Variants in LTBR observed in about 807,000 individuals in gnomAD.
LTBR encodes lymphotoxin beta receptor.
LTBR carries 15 observed loss-of-function variants against 45.4 expected under a neutral mutation model. The ratio of observed to expected loss-of-function variants is 0.33; its 90% CI spans 0.22 to 0.51. The LOEUF (loss-of-function observed/expected upper bound fraction) is 0.51, where lower values mean the gene tolerates loss of function less well. Among genes scored for constraint, LTBR ranks in the 20% least tolerant of loss-of-function variants. The pLI is 0.97. For missense variants in LTBR, 450 were observed against 565.5 expected (o/e 0.80, Z 2.07); for synonymous variants, 228 against 231.0 (o/e 0.99, Z 0.12).
In LTBR at chr12:6,384,291, C is replaced by G; in HGVS notation, c.-68C>G. 1 of 1,429,592 alleles carries G rather than the reference C, an allele frequency of 7.0e-7. No homozygotes were observed. The highest frequency in any genetic ancestry group is 9.1e-7 in the Non-Finnish European group (1 of 1,097,054). The allele number at this position is 1,429,592 out of a possible 1,614,324, so 88.6% of individuals were successfully genotyped here. ...TCGGGCAGCCGCCGCCACCGCTGCCCAGGACGTCGGGCCTCCTGCCTTCCT... is the reference window on the plus strand; with the variant it reads ...TCGGGCAGCCGCCGCCACCGCTGCCGAGGACGTCGGGCCTCCTGCCTTCCT... On this transcript the variant is annotated 5_prime_UTR_variant, in exon 1 of 10. Transcript: ENST00000228918.
Position 6,386,500 on chromosome 12 carries a change from C to G in LTBR, c.667+56C>G, listed in dbSNP as rs961132510. The G allele has an allele frequency of 3.8e-6, 5 of 1,325,054 alleles. No homozygotes were observed. In the South Asian group the frequency reaches 6.1e-5, roughly 16 times the overall value. The allele number at this position is 1,325,054 out of a possible 1,614,324, so 82.1% of individuals were successfully genotyped here. ...GGGCGCCTCTGAAAATGCCTTAATG[C>G]TCCACATCTTAAAAAAAATGGGGAA... On this transcript the variant is annotated intron_variant, in intron 6 of 9. Transcript: ENST00000228918. This position sits in a 1 kb window ranked among gnomAD's most constrained non-coding sequence, Gnocchi z 4.1.
Position 6,389,611 on chromosome 12 carries a change from G to A in LTBR, c.802-501G>A, listed in dbSNP as rs576845897. On this transcript the variant is annotated intron_variant, in intron 8 of 9. Coordinates refer to ENST00000228918, the MANE Select transcript of LTBR (RefSeq NM_002342.3). Reference sequence around the variant, plus strand: ...GAGGTCAGGGGTTTGAGACCAGCCCGGCCAACATGGCAAAACCCCATCTCT... The same window carrying A: ...GAGGTCAGGGGTTTGAGACCAGCCCAGCCAACATGGCAAAACCCCATCTCT... 402 of 156,250 alleles carry A rather than the reference G, an allele frequency of 2.6e-3. 1 individual carries two copies. The highest frequency in any genetic ancestry group is 4.1e-3 in the Admixed American group (66 of 16,128). The allele number at this position is 156,250 out of a possible 1,614,324, so 9.7% of individuals were successfully genotyped here. A position where few individuals can be genotyped will look rare whatever the true frequency, so the allele number is the denominator to read the frequency against.
upstream of LTBR, among the ~76,000 whole-genome samples, chr12:6,379,194 G>A (rs1328571407): frequency 6.6e-6 from 1 of 152,186 alleles, no homozygotes; most frequent in South Asian, 2.1e-4. Context: ...CAGAGACCAG[G>A]CGTATTCATC....
chr12:6,380,775 G>A (rs1186832626), upstream of LTBR, among the ~76,000 whole-genome samples: 1 of 152,058 alleles, frequency 6.6e-6, no homozygotes, highest in Non-Finnish European at 1.5e-5. Flanking sequence ...CCTGTGGAAA[G>A]AAGGCTCTCT....
At chr12:6,385,446 G>A in intron 4 of LTBR, 67 bp downstream of exon 4, 1 of 1,586,060 alleles carries the variant, frequency 6.3e-7, no homozygotes, top group Admixed American at 1.7e-5. Context: ...AGTGGGAGCA[G>A]GGAATATGGT....
intron 8 of LTBR, chr12:6,389,187 A>G: frequency 5.0e-6 from 1 of 201,360 alleles, no homozygotes; most frequent in Non-Finnish European, 1.0e-5. Flanking sequence ...CTGATATTTG[A>G]GCGGAGAGCT....
Position 6,384,581 on chromosome 12 carries a change from T to G in LTBR, c.97-7T>G, listed in dbSNP as rs762023722. ...TCTTCTCTCCTCTTCTCCATCTCCC[T>G]TTGAAGGTGCCTCCATATGCGTCGG... On this transcript the variant is annotated splice_polypyrimidine_tract_variant and splice_region_variant and intron_variant, in intron 1 of 9. Coordinates refer to ENST00000228918, the MANE Select transcript of LTBR (RefSeq NM_002342.3). 6.2e-7 allele frequency: 1 copy of G among 1,613,516 alleles called. No homozygotes were observed. Among genetic ancestry groups the G allele is most frequent in the South Asian group, 1.1e-5 (1 of 91,062 alleles).
upstream of LTBR, among the ~76,000 whole-genome samples, chr12:6,379,265 A>T (rs562194287): frequency 6.6e-6 from 1 of 152,282 alleles, no homozygotes; most frequent in East Asian, 1.9e-4. Context: ...AGACAGCAGA[A>T]CTGGCGTCTT....
upstream of LTBR, among the ~76,000 whole-genome samples, chr12:6,383,739 G>A (rs935896789): frequency 3.9e-5 from 6 of 152,214 alleles, no homozygotes; most frequent in Non-Finnish European, 8.8e-5. Flanking sequence ...GAGGAACCCG[G>A]GCATCTGCCA....
In LTBR at chr12:6,386,356, C is replaced by T; in HGVS notation, c.579C>T (p.Asn193=). 1 of 1,613,796 alleles carries T rather than the reference C, an allele frequency of 6.2e-7. No homozygotes were observed. Residue 193 remains asparagine, a synonymous_variant, in exon 6 of 10, where the codon AAC becomes AAT. Transcript: ENST00000228918. This position sits in a 1 kb window ranked among gnomAD's most constrained non-coding sequence, Gnocchi z 4.1. ...TTTTTTTCCTCTGCAGGTGTGAGAACCAAGGTCTGGTGGAGGCAGCTCCAG... is the reference window on the plus strand; with the variant it reads ...TTTTTTTCCTCTGCAGGTGTGAGAATCAAGGTCTGGTGGAGGCAGCTCCAG... ...ARCQPHTRCE[N]QGLVEAAPGT...
At chr12:6,383,194 G>A (rs937646330), upstream of LTBR, among the ~76,000 whole-genome samples, 3 of 152,158 alleles carry the variant, frequency 2.0e-5, no homozygotes, top group Non-Finnish European at 4.4e-5. Flanking sequence ...GAAGCCTCAA[G>A]GACAGGTGGG....
chr12:6,386,480 C>G lies in LTBR; in HGVS notation c.667+36C>G. On this transcript the variant is annotated intron_variant, in intron 6 of 9. Transcript: ENST00000228918. The surrounding 1 kb of genome is among the most constrained non-coding windows in gnomAD (Gnocchi z 4.1). ...AGGGCTGAGGGACACGGGGGGGGCG[C>G]CTCTGAAAATGCCTTAATGCTCCAC... 2 of 1,513,826 alleles carry G rather than the reference C, an allele frequency of 1.3e-6. No homozygotes were observed. The highest frequency in any genetic ancestry group is 1.7e-5 in the Admixed American group (1 of 57,630). 93.8% of individuals were successfully genotyped at this position (1,513,826 alleles called of 1,614,324 possible).
At chr12:6,375,457 G>C in exon 1 of LTBR, 1 of 1,535,448 alleles carries the variant, frequency 6.5e-7, no homozygotes, top group Non-Finnish European at 8.7e-7. Context: ...GACTGGGACT[G>C]GTTCCTTTCC....
In LTBR at chr12:6,391,001, G is replaced by A. The variant is rs1002774040; in HGVS notation, c.*64G>A. The A allele has an allele frequency of 8.9e-6, 13 of 1,454,866 alleles. No homozygotes were observed. Among genetic ancestry groups the A allele is most frequent in the Non-Finnish European group, 1.2e-5 (13 of 1,099,958 alleles). 90.1% of individuals were successfully genotyped at this position (1,454,866 alleles called of 1,614,324 possible). A position where few individuals can be genotyped will look rare whatever the true frequency, so the allele number is the denominator to read the frequency against. ...GCACCTTCTCCCTTGAGGCTGCCCT[G>A]CCCACGTGGGATTCACAGGGGCCTG... On this transcript the variant is annotated 3_prime_UTR_variant, in exon 10 of 10. Coordinates refer to ENST00000228918, the MANE Select transcript of LTBR (RefSeq NM_002342.3).
intron 9 of LTBR, 115 bp downstream of exon 9, chr12:6,390,455 G>A (rs2136936182): frequency 2.0e-6 from 2 of 1,020,982 alleles, no homozygotes; most frequent in Non-Finnish European, 1.4e-6. Flanking sequence ...CAGAGACTCC[G>A]CTGCCAGTCA....
intron 2 of LTBR, 121 bp from the exon 3 acceptor site, chr12:6,384,901 C>T (rs548011001): frequency 1.0e-5 from 14 of 1,352,648 alleles, no homozygotes; most frequent in Non-Finnish European, 1.5e-5. Flanking sequence ...AGCCGGAGGG[C>T]CACTGGCAGG....
rs979708567 is a variant in LTBR, at chr12:6,388,903, T to A, written c.801+78T>A. The A allele has an allele frequency of 6.5e-7, 1 of 1,541,466 alleles. No homozygotes were observed. The highest frequency in any genetic ancestry group is 1.4e-5 in the African/African-American group (1 of 73,170). ...CAAGGTGGAGCAGACAGGAAGAGAG[T>A]ATGCAGGCTGACTCCACACTCATTC... is the stretch of plus-strand genomic sequence containing the variant. On this transcript the variant is annotated intron_variant, in intron 8 of 9. Transcript: ENST00000228918. This position sits in a 1 kb window ranked among gnomAD's most constrained non-coding sequence, Gnocchi z 4.3.
rs1198071217 is a variant in LTBR at position 6,377,009 on chromosome 12, A to G, written c.39+1415A>G. On this transcript the variant is annotated intron_variant, in intron 1 of 9. Coordinates refer to the LTBR transcript ENST00000539925. Reference sequence around the variant, plus strand: ...AGATTTCTCAGAGATAAGACATAAGAGCCAAGGGCTAGGGGAGCCTAGGGG... The same window carrying G: ...AGATTTCTCAGAGATAAGACATAAGGGCCAAGGGCTAGGGGAGCCTAGGGG... The G allele has an allele frequency of 1.5e-4, 68 of 442,948 alleles. No individual in the cohort carries two copies. In the Admixed American group the frequency reaches 2.6e-3, roughly 17 times the overall value. The allele number at this position is 442,948 out of a possible 1,614,324, so 27.4% of individuals were successfully genotyped here.
intron 1 of LTBR, 32 bp downstream of exon 1, chr12:6,384,486 G>C: frequency 6.3e-7 from 1 of 1,581,480 alleles, no homozygotes; most frequent in South Asian, 1.1e-5. Flanking sequence ...AGTGGGCGAG[G>C]GTGGGCAAGA....
Sources: gnomAD v4.1 joint callset for allele counts (sites outside exome capture counted in the v4.1 genomes callset) on GRCh38, gnomAD v4.1.1 for gene constraint, Gnocchi (gnomAD v3.1) non-coding constraint, MANE v1.5 for transcripts, NCBI Gene and HGNC (gene_info 2026-07-23, HGNC 2026-07-21) for gene names.